The following RNLS variants were observed in gnomAD, a reference collection of about 807,000 sequenced individuals.
The protein encoded by RNLS is renalase.
A neutral mutation model predicts 39.8 loss-of-function variants in RNLS; 39 were observed. The ratio of observed to expected loss-of-function variants is 0.98; its 90% CI spans 0.76 to 1.28. The LOEUF is 1.28. RNLS is among the 50% of genes most tolerant of loss of function. RNLS has a pLI of 0.00. For missense variants in RNLS, 410 were observed against 413.3 expected (o/e 0.99, Z 0.07); for synonymous variants, 147 against 150.7 (o/e 0.98, Z 0.18).
intron 4 of RNLS, among the ~76,000 whole-genome samples, chr10:88,495,411 A>G (rs575332293): frequency 1.3e-5 from 2 of 152,178 alleles, no homozygotes; most frequent in Admixed American, 1.3e-4. Context: ...TGGGTCTATA[A>G]CTCTTATGGC....
intron 4 of RNLS, among the ~76,000 whole-genome samples, chr10:88,452,319 C>T (rs74544633): frequency 0.012 from 1,816 of 152,294 alleles, 16 homozygotes; most frequent in Non-Finnish European, 0.019. Flanking sequence ...GCCTAGTACA[C>T]TTTGAAGGCA....
At chr10:88,339,241 T>G (rs1847754899) in intron 5 of RNLS, among the ~76,000 whole-genome samples, 1 of 152,202 alleles carries the variant, frequency 6.6e-6, no homozygotes, top group African/African-American at 2.4e-5. Flanking sequence ...TTATAATCTC[T>G]TCTTGAGCAA....
chr10:88,442,822 C>G (rs10400114), intron 4 of RNLS, among the ~76,000 whole-genome samples: 1 of 152,106 alleles, frequency 6.6e-6, no homozygotes, highest in East Asian at 1.9e-4. Flanking sequence ...TATGTTAGCT[C>G]GTATCAGTAC....
At chr10:88,462,723 G>A (rs930243638) in intron 4 of RNLS, among the ~76,000 whole-genome samples, 2 of 151,958 alleles carry the variant, frequency 1.3e-5, no homozygotes, top group Non-Finnish European at 2.9e-5. Context: ...ATTAGAGAAT[G>A]CTGCCTTCTA....
chr10:88,380,354 G>GT (rs1851350473), intron 4 of RNLS, among the ~76,000 whole-genome samples: 1 of 142,736 alleles, frequency 7.0e-6, no homozygotes, highest in Admixed American at 7.2e-5. Flanking sequence ...TAGTCTTGGG[G>GT]TTTTGTATCT....
At chr10:88,530,404 C>T (rs1176666963) in intron 4 of RNLS, among the ~76,000 whole-genome samples, 1 of 152,022 alleles carries the variant, frequency 6.6e-6, no homozygotes, top group Non-Finnish European at 1.5e-5. Flanking sequence ...GTTTCTTTTT[C>T]TCTGTTTTTG....
chr10:88,209,364 G>A, the RNLS span, among the ~76,000 whole-genome samples: 1 of 152,130 alleles, frequency 6.6e-6, no homozygotes, highest in Non-Finnish European at 1.5e-5. Context: ...ATAAAGAAGA[G>A]AAGACGCACA....
intron 4 of RNLS, among the ~76,000 whole-genome samples, chr10:88,497,421 C>CATAA (rs374212267): frequency 4.6e-5 from 7 of 151,668 alleles, no homozygotes; most frequent in Admixed American, 4.6e-4. Flanking sequence ...GATCCAAATA[C>CATAA]ATAAATAAAT....
the RNLS span, among the ~76,000 whole-genome samples, chr10:88,229,270 GT>G: frequency 1.3e-5 from 2 of 152,208 alleles, no homozygotes; most frequent in Non-Finnish European, 2.9e-5. Flanking sequence ...CTAGTGAGAA[GT>G]TGAGGTGCTT....
intron 4 of RNLS, among the ~76,000 whole-genome samples, chr10:88,463,700 T>C (rs1214654917): frequency 6.6e-6 from 1 of 152,082 alleles, no homozygotes; most frequent in Non-Finnish European, 1.5e-5. Flanking sequence ...ACTCAGGGCA[T>C]TCAAACATAT....
chr10:88,581,306 A>AT (rs1048870072), intron 3 of RNLS, among the ~76,000 whole-genome samples: 1 of 147,888 alleles, frequency 6.8e-6, no homozygotes, highest in Non-Finnish European at 1.5e-5. Flanking sequence ...ATATATATAT[A>AT]TATATATATA....
At position 88,443,996 on chromosome 10, in the gene RNLS, G is replaced by A. The variant is rs560704511; in HGVS notation, c.527-81271C>T. On this transcript the variant is annotated intron_variant, in intron 4 of 6. Transcript: ENST00000331772. ...TTGTGGTTCTCCCAGAATGGAGTTTGAGATGTGAGAACGGACAGACTGCCT... is the reference window on the plus strand; with the variant it reads ...TTGTGGTTCTCCCAGAATGGAGTTTAAGATGTGAGAACGGACAGACTGCCT... Among the ~76,000 whole-genome samples the A allele has an allele frequency of 5.3e-5, 8 of 152,338 alleles. No homozygotes were observed. The South Asian group carries it at 1.4e-3, about 28-fold the overall frequency.
chr10:88,350,987 A>G (rs1274468989), intron 5 of RNLS, among the ~76,000 whole-genome samples: 1 of 152,128 alleles, frequency 6.6e-6, no homozygotes, highest in Non-Finnish European at 1.5e-5. Flanking sequence ...GGCCAGTGAT[A>G]AGGAGCATTT....
chr10:88,306,405 A>T (rs1209559063), intron 6 of RNLS, among the ~76,000 whole-genome samples: 2 of 152,076 alleles, frequency 1.3e-5, no homozygotes, highest in African/African-American at 2.4e-5. Context: ...TTCTGGAAAA[A>T]AATTAATAAA....
At chr10:88,203,223 A>AGT in the RNLS span, among the ~76,000 whole-genome samples, 39 of 11,246 alleles carry the variant, frequency 3.5e-3, 2 homozygotes, top group Middle Eastern at 0.071. Flanking sequence ...GATAGCAAAA[A>AGT]GTGTGTGTGT....
At chr10:88,258,707 G>C in the RNLS span, among the ~76,000 whole-genome samples, 1 of 152,240 alleles carries the variant, frequency 6.6e-6, no homozygotes, top group Non-Finnish European at 1.5e-5. Context: ...TAAGGCAGTA[G>C]TTGGGAATAA....
chr10:88,241,812 A>T, the RNLS span, among the ~76,000 whole-genome samples: 1 of 152,126 alleles, frequency 6.6e-6, no homozygotes, highest in Non-Finnish European at 1.5e-5. Flanking sequence ...ATGTCAGCCC[A>T]TTTCATGCTC....
At chr10:88,501,155 A>C (rs562955444) in intron 4 of RNLS, among the ~76,000 whole-genome samples, 11 of 151,998 alleles carry the variant, frequency 7.2e-5, no homozygotes, top group Non-Finnish European at 1.5e-4. Context: ...TTATTAGAAA[A>C]GGTTAATCTC....
intron 5 of RNLS, among the ~76,000 whole-genome samples, chr10:88,343,091 G>A (rs1485211627): frequency 6.6e-6 from 1 of 152,112 alleles, no homozygotes; most frequent in Non-Finnish European, 1.5e-5. Context: ...TTAAGGATGT[G>A]AGATTTAATC....
Sources: gnomAD v4.1 joint callset for allele counts (sites outside exome capture counted in the v4.1 genomes callset) on GRCh38, gnomAD v4.1.1 for gene constraint, MANE v1.5 for transcripts, NCBI Gene and HGNC (gene_info 2026-07-23, HGNC 2026-07-21) for gene names.